AHI1: variants seen among roughly 807,000 people sequenced by gnomAD.
AHI1 encodes the protein jouberin.
In AHI1, 123 loss-of-function variants were observed where a neutral mutation model predicts 149.3. The observed-to-expected ratio is 0.82, with a 90% CI of 0.71 to 0.96. The LOEUF (loss-of-function observed/expected upper bound fraction) is 0.96. AHI1 is among the 40% of genes least tolerant of loss of function. AHI1 has a pLI of 0.00. For synonymous variants in AHI1, 475 were observed against 459.8 expected, an observed-to-expected ratio of 1.03 and a Z score of -0.42; for missense variants, 1,439 against 1,422.7, an observed-to-expected ratio of 1.01 and a Z score of -0.18.
In AHI1 at chr6:135,287,868, G is replaced by A. The variant is rs956127347; in HGVS notation, c.3589-2221C>T. On this transcript the variant is annotated intron_variant, in intron 28 of 28. Transcript: ENST00000265602. ...TCCCAGCATTTTGGGAGGCTGAGGC[G>A]GGTGATCACTTGAGGTCAGGGGTTT... Among the ~76,000 whole-genome samples the A allele has an allele frequency of 3.3e-5, 5 of 151,762 alleles. 1 individual carries two copies. The highest frequency in any genetic ancestry group is 2.6e-4 in the Admixed American group (4 of 15,248).
chr6:135,396,110 G>C lies in AHI1; in HGVS notation c.2989-1214C>G, dbSNP rs564518720. ...CAAATTCAGTGAAAAAGTCAATTAA[G>C]ACCATATGTTAATATGGTTTTAAAG... On this transcript the variant is annotated intron_variant, in intron 22 of 28. Coordinates refer to ENST00000265602, the MANE Select transcript of AHI1 (RefSeq NM_001134831.2). Among the ~76,000 whole-genome samples the C allele has an allele frequency of 4.6e-5, 7 of 151,776 alleles. No homozygotes were observed. The South Asian group carries it at 1.5e-3, about 31-fold the overall frequency.
At chr6:135,396,857 A>C (rs1779290531) in intron 22 of AHI1, among the ~76,000 whole-genome samples, 1 of 151,736 alleles carries the variant, frequency 6.6e-6, no homozygotes, top group Non-Finnish European at 1.5e-5. Flanking sequence ...AGATATAGAT[A>C]TATCTATAGA....
At chr6:135,438,285 G>A (rs2128037588) in intron 15 of AHI1, 90 bp downstream of exon 15, 2 of 1,216,890 alleles carry the variant, frequency 1.6e-6, no homozygotes, top group Admixed American at 3.0e-5. Context: ...AATACGACTG[G>A]AGCATAAGAG....
intron 15 of AHI1, among the ~76,000 whole-genome samples, chr6:135,434,138 T>C (rs1785046011): frequency 2.6e-5 from 4 of 152,086 alleles, no homozygotes; most frequent in African/African-American, 7.2e-5. Context: ...GTATTCATCC[T>C]TTTAATTACT....
chr6:135,340,767 A>G (rs1335749166), intron 24 of AHI1, among the ~76,000 whole-genome samples: 1 of 148,406 alleles, frequency 6.7e-6, no homozygotes, highest in East Asian at 2.0e-4. Flanking sequence ...TATAAAAATA[A>G]GTTGGTGGGC....
At chr6:135,461,250 A>C (rs753301192) in intron 8 of AHI1, among the ~76,000 whole-genome samples, 1 of 152,092 alleles carries the variant, frequency 6.6e-6, no homozygotes, top group East Asian at 1.9e-4. Context: ...GTTTTAAAAA[A>C]TGCAGACAAC....
chr6:135,443,917 G>A (rs922417206), intron 13 of AHI1, among the ~76,000 whole-genome samples: 5 of 152,134 alleles, frequency 3.3e-5, no homozygotes, highest in African/African-American at 1.2e-4. Flanking sequence ...ATAACCACTT[G>A]CTGCTGCTCC....
rs548478362 is a variant in AHI1 at position 135,442,706 on chromosome 6, A to G, written c.1788T>C (p.Arg596=). ...KWKRLPGQAC[R]IPNKHLFSLN... is the part of the protein sequence containing the mutation. ...GTGAGAAGAGGTGTTTGTTTGGGAT[A>G]CGGCAAGCCTAAAAAACATACGTTT... Residue 596 remains arginine (R), a synonymous_variant, in exon 14 of 29, where the codon CGT becomes CGC. Coordinates refer to ENST00000265602, the MANE Select transcript of AHI1 (RefSeq NM_001134831.2). 271 of 1,604,694 alleles carry G rather than the reference A, an allele frequency of 1.7e-4. No homozygotes were observed. The highest frequency in any genetic ancestry group is 2.3e-4 in the Non-Finnish European group (265 of 1,176,406).
intron 28 of AHI1, among the ~76,000 whole-genome samples, chr6:135,290,211 G>T: frequency 6.6e-6 from 1 of 151,634 alleles, no homozygotes; most frequent in Non-Finnish European, 1.5e-5. Flanking sequence ...TTTCCCTTTG[G>T]GCTGGAGACA....
chr6:135,472,274 T>C (rs1248680730), intron 5 of AHI1, among the ~76,000 whole-genome samples: 1 of 152,160 alleles, frequency 6.6e-6, no homozygotes, highest in Non-Finnish European at 1.5e-5. Flanking sequence ...TTCACATAAA[T>C]GAAATTATAC....
chr6:135,294,258 G>A lies in AHI1; in HGVS notation c.3486-3733C>T, dbSNP rs769553001. Among the ~76,000 whole-genome samples the A allele has an allele frequency of 2.0e-5, 3 of 151,968 alleles. No individual in the cohort carries two copies. The East Asian group carries it at 5.8e-4, about 29-fold the overall frequency. ...GGAGAATCACCTGAACCCGGGAGGCGGAGGTTGTAGTGAGCCGAGATCATG... is the reference window on the plus strand; with the variant it reads ...GGAGAATCACCTGAACCCGGGAGGCAGAGGTTGTAGTGAGCCGAGATCATG... On this transcript the variant is annotated intron_variant, in intron 27 of 28. Coordinates refer to ENST00000265602, the MANE Select transcript of AHI1 (RefSeq NM_001134831.2).
At chr6:135,433,462 T>C (rs1784943013) in intron 15 of AHI1, among the ~76,000 whole-genome samples, 1 of 152,194 alleles carries the variant, frequency 6.6e-6, no homozygotes, top group Non-Finnish European at 1.5e-5. Flanking sequence ...TTATTTGTTA[T>C]AGTTATTATC....
At chr6:135,401,643 T>C (rs138490211) in intron 22 of AHI1, among the ~76,000 whole-genome samples, 1 of 152,306 alleles carries the variant, frequency 6.6e-6, no homozygotes, top group East Asian at 1.9e-4. Context: ...CCTCATGCAA[T>C]AGAATGAAAG....
chr6:135,389,798 AAAG>A (rs1463315773), intron 23 of AHI1, among the ~76,000 whole-genome samples: 2 of 152,232 alleles, frequency 1.3e-5, no homozygotes, highest in African/African-American at 4.8e-5. Context: ...ATAAACATGC[AAAG>A]ATGATACAAC....
In AHI1 at chr6:135,466,343, T is replaced by C. The variant is rs1425174262; in HGVS notation, c.220A>G (p.Ile74Val). The C allele has an allele frequency of 4.3e-6, 7 of 1,613,674 alleles. No homozygotes were observed. The highest frequency in any genetic ancestry group is 1.1e-5 in the South Asian group (1 of 91,062). ...ACATCATCACTTGTAGTTTCTTTAA[T>C]ATGGGGAAGATTGCTTCTAATAGTG... ...PDTIRSNLPH[I>V]KETTSDDVSA... Residue 74 changes from isoleucine to valine, a missense_variant, in exon 7 of 29, where the codon ATT becomes GTT. Physicochemically the swap from Ile to Val is conservative, Grantham distance 29 (BLOSUM62 3). Coordinates refer to ENST00000265602, the MANE Select transcript of AHI1 (RefSeq NM_001134831.2).
intron 24 of AHI1, among the ~76,000 whole-genome samples, chr6:135,351,135 CAA>C (rs1183574427): frequency 7.6e-5 from 10 of 131,390 alleles, no homozygotes; most frequent in African/African-American, 3.4e-4. Flanking sequence ...AAACAAAAAA[CAA>C]AAAAAACAAA....
rs761997683 is a variant in AHI1, at chr6:135,482,894, C to CTTTTTTTTTTTTTTTTTTTT, written c.135+7728_135+7729insAAAAAAAAAAAAAAAAAAAA. Among the ~76,000 whole-genome samples the CTTTTTTTTTTTTTTTTTTTT allele has an allele frequency of 8.8e-3, 493 of 55,726 alleles. 194 individuals are homozygous for CTTTTTTTTTTTTTTTTTTTT. The highest frequency in any genetic ancestry group is 0.012 in the Admixed American group (36 of 3,122). 36.6% of individuals were successfully genotyped at this position (55,726 alleles called of 152,430 possible). On this transcript the variant is annotated intron_variant, in intron 5 of 28. Coordinates refer to ENST00000265602, the MANE Select transcript of AHI1 (RefSeq NM_001134831.2). ...TTCAACCAGTATAATCCATTTAAGG[C>CTTTTTTTTTTTTTTTTTTTT]TTTTTTTTTTTTTTTGAGACAGAGT... is the stretch of plus-strand genomic sequence containing the variant.
At chr6:135,472,220 C>T (rs1791862513) in intron 5 of AHI1, among the ~76,000 whole-genome samples, 1 of 152,072 alleles carries the variant, frequency 6.6e-6, no homozygotes, top group Non-Finnish European at 1.5e-5. Flanking sequence ...TGACCCTACT[C>T]AACCACTGAT....
At chr6:135,307,582 C>A (rs1293997664) in intron 26 of AHI1, among the ~76,000 whole-genome samples, 1 of 151,832 alleles carries the variant, frequency 6.6e-6, no homozygotes, top group Non-Finnish European at 1.5e-5. Flanking sequence ...CATATACTGG[C>A]AGTTAATGGA....
Sources: allele counts gnomAD v4.1 joint callset (sites outside exome capture counted in the v4.1 genomes callset), GRCh38; gene constraint gnomAD v4.1.1; transcripts MANE v1.5; gene names NCBI Gene and HGNC (gene_info 2026-07-23, HGNC 2026-07-21).